SRBD1: variants seen among roughly 807,000 people sequenced by gnomAD.
SRBD1 encodes the protein S1 RNA-binding domain-containing protein 1.
SRBD1 carries 88 observed loss-of-function variants against 115.3 expected under a neutral mutation model. That is an observed-to-expected ratio of 0.76 (90% confidence interval 0.64 to 0.91). The LOEUF (loss-of-function observed/expected upper bound fraction) is 0.91, where lower values mean the gene tolerates loss of function less well. SRBD1 is among the 40% of genes least tolerant of loss of function. The pLI is 0.00. For synonymous variants in SRBD1, 509 were observed against 407.7 expected (o/e 1.25, Z -2.99); for missense variants, 1,385 against 1,177.4 (o/e 1.18, Z -2.58).
chr2:45,484,311 C>T (rs1424860832), intron 15 of SRBD1, among the ~76,000 whole-genome samples: 4 of 152,108 alleles, frequency 2.6e-5, no homozygotes, highest in Non-Finnish European at 5.9e-5. Flanking sequence ...TACCTCTAAT[C>T]CCAAGTTTCT....
chr2:45,418,893 GCATA>G lies in SRBD1; in HGVS notation c.2157-356_2157-353del, dbSNP rs879318427. ...GTAATAATTTTGCCTATTTTTTTCAGCATACATACAAAGTGAGTTAGAAGAAGTT... is the reference window on the plus strand; with the variant it reads ...GTAATAATTTTGCCTATTTTTTTCAGCATACAAAGTGAGTTAGAAGAAGTT... On this transcript the variant is annotated intron_variant, in intron 17 of 20. Coordinates refer to ENST00000263736, the MANE Select transcript of SRBD1 (RefSeq NM_018079.5). 1.3e-4 allele frequency among the ~76,000 whole-genome samples: 20 copies of G among 152,048 alleles called. 1 individual carries two copies. Among genetic ancestry groups the G allele is most frequent in the Admixed American group, 1.2e-3 (19 of 15,266 alleles).
At chr2:45,502,582 C>A (rs956452974) in intron 14 of SRBD1, among the ~76,000 whole-genome samples, 3 of 149,630 alleles carry the variant, frequency 2.0e-5, no homozygotes, top group African/African-American at 7.4e-5. Context: ...ATCGCAGGGA[C>A]AGAAAACCAT....
chr2:45,427,800 C>A (rs1668203166), intron 16 of SRBD1, among the ~76,000 whole-genome samples: 1 of 152,160 alleles, frequency 6.6e-6, no homozygotes, highest in Middle Eastern at 3.2e-3. Flanking sequence ...GGATGCAAGC[C>A]TGGTTCAACA....
At chr2:45,488,775 T>A (rs1352838144) in intron 14 of SRBD1, among the ~76,000 whole-genome samples, 1 of 152,034 alleles carries the variant, frequency 6.6e-6, no homozygotes, top group Non-Finnish European at 1.5e-5. Context: ...TATGTGTGGA[T>A]ATGTGCACAT....
intron 18 of SRBD1, among the ~76,000 whole-genome samples, chr2:45,413,522 C>T (rs1281602679): frequency 6.6e-6 from 1 of 152,052 alleles, no homozygotes; most frequent in Non-Finnish European, 1.5e-5. Context: ...AATTGCCATT[C>T]TAAGAGAGAA....
At chr2:45,517,487 C>T (rs183682165) in intron 14 of SRBD1, among the ~76,000 whole-genome samples, 3 of 152,248 alleles carry the variant, frequency 2.0e-5, no homozygotes, top group Admixed American at 1.3e-4. Flanking sequence ...AGCAATTTCA[C>T]GGCAATGAAA....
intron 16 of SRBD1, among the ~76,000 whole-genome samples, chr2:45,441,885 T>C (rs1392268628): frequency 1.3e-5 from 2 of 152,174 alleles, no homozygotes; most frequent in African/African-American, 2.4e-5. Context: ...ACCATAGCCA[T>C]AGGCCCTCCC....
At chr2:45,576,437 G>T (rs902103852) in intron 7 of SRBD1, among the ~76,000 whole-genome samples, 8 of 152,068 alleles carry the variant, frequency 5.3e-5, no homozygotes, top group African/African-American at 1.9e-4. Context: ...GAGTCGGGGG[G>T]GGTGGGGGTT....
At chr2:45,493,737 G>A (rs1376340574) in intron 14 of SRBD1, among the ~76,000 whole-genome samples, 2 of 151,444 alleles carry the variant, frequency 1.3e-5, no homozygotes, top group South Asian at 2.1e-4. Context: ...TTTGAATCTG[G>A]AAGGTGAAGG....
At chr2:45,401,851 T>C (rs1667299309) in intron 19 of SRBD1, among the ~76,000 whole-genome samples, 1 of 152,210 alleles carries the variant, frequency 6.6e-6, no homozygotes. Context: ...GTTTGTTTTT[T>C]AAATAAAACC....
intron 9 of SRBD1, chr2:45,569,480 C>A (rs1374870225): frequency 6.6e-6 from 1 of 152,098 alleles, no homozygotes; most frequent in African/African-American, 2.4e-5. Context: ...AGGCATGTGC[C>A]ACCATGCAAA....
At chr2:45,585,888 C>T in intron 4 of SRBD1, 114 bp from the exon 5 acceptor site, 2 of 787,532 alleles carry the variant, frequency 2.5e-6, no homozygotes, top group African/African-American at 2.1e-5. Flanking sequence ...AAACTACTTG[C>T]TATAGTTTTT....
At chr2:45,591,086 G>C (rs1267433133) in intron 4 of SRBD1, among the ~76,000 whole-genome samples, 1 of 151,934 alleles carries the variant, frequency 6.6e-6, no homozygotes, top group East Asian at 1.9e-4. Context: ...GTGTGAAAAT[G>C]GACAAATACA....
intron 15 of SRBD1, among the ~76,000 whole-genome samples, chr2:45,486,850 C>T (rs1333437470): frequency 1.3e-5 from 2 of 151,990 alleles, no homozygotes; most frequent in African/African-American, 2.4e-5. Flanking sequence ...AACATACTTA[C>T]CACAATGTTT....
intron 20 of SRBD1, among the ~76,000 whole-genome samples, chr2:45,389,995 G>A (rs1226674748): frequency 6.6e-6 from 1 of 151,684 alleles, no homozygotes; most frequent in East Asian, 1.9e-4. Flanking sequence ...TTTTTTTTTG[G>A]TTTTTCCCCC....
At chr2:45,504,378 A>C (rs1303898533) in intron 14 of SRBD1, among the ~76,000 whole-genome samples, 2 of 151,816 alleles carry the variant, frequency 1.3e-5, no homozygotes, top group Non-Finnish European at 2.9e-5. Flanking sequence ...CAAATTCTTT[A>C]TGTTTTTTGC....
intron 16 of SRBD1, among the ~76,000 whole-genome samples, chr2:45,466,999 T>C (rs1196239926): frequency 6.6e-6 from 1 of 152,206 alleles, no homozygotes; most frequent in Non-Finnish European, 1.5e-5. Flanking sequence ...AACAAAGGGA[T>C]TTTATATGCA....
At chr2:45,505,495 C>A (rs915148183) in intron 14 of SRBD1, among the ~76,000 whole-genome samples, 4 of 152,276 alleles carry the variant, frequency 2.6e-5, no homozygotes, top group Admixed American at 2.6e-4. Context: ...CACAATGGCA[C>A]CTGTCCGTAT....
chr2:45,504,865 T>G (rs1437231482), intron 14 of SRBD1, among the ~76,000 whole-genome samples: 1 of 152,068 alleles, frequency 6.6e-6, no homozygotes, highest in African/African-American at 2.4e-5. Context: ...CAGAAGCCCA[T>G]CCTCAAAAAT....
Sources: allele counts gnomAD v4.1 joint callset (sites outside exome capture counted in the v4.1 genomes callset), GRCh38; gene constraint gnomAD v4.1.1; transcripts MANE v1.5; gene names NCBI Gene and HGNC (gene_info 2026-07-23, HGNC 2026-07-21).